SLTM: variants seen among roughly 807,000 people sequenced by gnomAD.
The protein encoded by SLTM is SAFB-like transcription modulator.
SLTM carries 43 observed loss-of-function variants against 134.6 expected under a neutral mutation model. The observed-to-expected ratio is 0.32, with a 90% CI of 0.25 to 0.41. The LOEUF is 0.41. Ranked by LOEUF, SLTM falls within the 10% of genes least tolerant of loss-of-function variation. SLTM has a pLI of 1.00. For synonymous variants in SLTM, 424 were observed against 432.3 expected (o/e 0.98, Z 0.24); for missense variants, 1,055 against 1,288.8 (o/e 0.82, Z 2.78).
chr15:58,889,440 C>A lies in SLTM; in HGVS notation c.2194G>T (p.Val732Leu), dbSNP rs779292319. The A allele has an allele frequency of 5.6e-6, 9 of 1,613,834 alleles. No individual in the cohort carries two copies. The Admixed American group carries it at 1.5e-4, about 27-fold the overall frequency. ...KRNSLKRPRD[V>L]DHRRDDPYWS... ...AAAATGAGTAACTACCTATGATCTA[C>A]ATCACGTGGGCGTTTCAAGGAATTC... is the stretch of plus-strand genomic sequence containing the variant. The change falls in exon 16 of 21, where the codon GTA becomes TTA. Residue 732 changes from valine (V) to leucine (L), a missense_variant. Coordinates refer to ENST00000380516, the MANE Select transcript of SLTM (RefSeq NM_024755.4).
intron 19 of SLTM, among the ~76,000 whole-genome samples, 165 bp from the exon 20 acceptor site, chr15:58,883,951 TAGTC>T (rs1251690275): frequency 1.3e-5 from 2 of 151,486 alleles, no homozygotes; most frequent in African/African-American, 4.9e-5. Flanking sequence ...TACAAAAAAT[TAGTC>T]AGGCATGGTA....
At chr15:58,912,775 CA>C (rs1302410783) in intron 4 of SLTM, 165 bp from the exon 5 acceptor site, 329 of 550,130 alleles carry the variant, frequency 6.0e-4, no homozygotes, top group Middle Eastern at 8.7e-4. Context: ...TTTTTTATGC[CA>C]AAAAAAATTA....
chr15:58,932,610 G>C (rs1567171326), intron 1 of SLTM, among the ~76,000 whole-genome samples, 167 bp from the exon 2 acceptor site: 1 of 152,180 alleles, frequency 6.6e-6, no homozygotes, highest in Non-Finnish European at 1.5e-5. Flanking sequence ...GAAAGAGTGA[G>C]AGAAACTTTC....
rs142696944 is a variant in SLTM, at chr15:58,899,586, C to A, written c.941G>T (p.Gly314Val). ...TCTGGCTTCCTTCTCGACAGGGTCA[C>A]CCTTCACGCAGTCTTCCTTCTTACC... ...KDGKKEDCVK[G>V]DPVEKEARES... is the part of the protein sequence containing the mutation. The change falls in exon 7 of 21, where the codon GGT becomes GTT. Residue 314 changes from glycine (G) to valine (V), a missense_variant. Around this residue, in one of 3 missense-constraint regions of SLTM, gnomAD observed 776 missense variants for 962.2 expected, o/e 0.81. Coordinates refer to ENST00000380516, the MANE Select transcript of SLTM (RefSeq NM_024755.4). This position sits in a 1 kb window ranked among gnomAD's most constrained non-coding sequence, Gnocchi z 5.0. The A allele has an allele frequency of 1.9e-4, 310 of 1,614,204 alleles. No individual in the cohort carries two copies. Among genetic ancestry groups the A allele is most frequent in the Admixed American group, 3.8e-4 (23 of 60,012 alleles).
At chr15:58,918,607 G>A (rs62004802) in intron 2 of SLTM, among the ~76,000 whole-genome samples, 2,897 of 152,268 alleles carry the variant, frequency 0.019, 36 homozygotes, top group Non-Finnish European at 0.027. Context: ...GAAGTGTGGC[G>A]CTTGGTGTTG....
intron 12 of SLTM, 44 bp from the exon 13 acceptor site, chr15:58,893,408 T>C (rs1315915046): frequency 1.3e-5 from 18 of 1,386,164 alleles, no homozygotes; most frequent in Admixed American, 2.1e-5. Flanking sequence ...AAATTTTTCA[T>C]TGAGAAAGAA....
intron 19 of SLTM, among the ~76,000 whole-genome samples, chr15:58,886,214 GAAGAGTGTGTGTGTGTGTGT>G (rs1350050388): frequency 1.9e-4 from 26 of 137,270 alleles, no homozygotes; most frequent in African/African-American, 6.6e-4. Context: ...AGGAGAAAAA[GAAGAGTGTGTGTGTGTGTGT>G]GTGTGTGTGT....
chr15:58,912,147 T>A (rs2036318514), intron 5 of SLTM, among the ~76,000 whole-genome samples: 1 of 151,116 alleles, frequency 6.6e-6, no homozygotes. Context: ...TCGCCCAGGC[T>A]GGAGTGCAGT....
At chr15:58,904,698 T>G (rs1428328343) in intron 5 of SLTM, among the ~76,000 whole-genome samples, 1 of 150,802 alleles carries the variant, frequency 6.6e-6, no homozygotes, top group Non-Finnish European at 1.5e-5. Context: ...ACCCGGCCAA[T>G]TTTTTTTTGT....
intron 5 of SLTM, among the ~76,000 whole-genome samples, chr15:58,903,325 G>A (rs1051714044): frequency 1.3e-5 from 2 of 152,152 alleles, no homozygotes; most frequent in South Asian, 2.1e-4. Context: ...ATGGGCCAGC[G>A]TGCCTGGCCT....
rs764731522 is a variant in SLTM at position 58,890,325 on chromosome 15, TTCTC to T, written c.2031_2034del (p.Arg678TrpfsTer48). The stretch of plus-strand genomic sequence containing the variant: ...TCCCTTTCCAAGCGTTCGCGTTCCA[TTCTC>T]TCTCTCTCTAGTTTTTGCCTTTCAA... On this transcript the variant is annotated frameshift_variant, in exon 15 of 21. Coordinates refer to ENST00000380516, the MANE Select transcript of SLTM (RefSeq NM_024755.4). LOFTEE classifies it high-confidence loss of function. The T allele has an allele frequency of 1.2e-6, 2 of 1,610,990 alleles. No homozygotes were observed. The highest frequency in any genetic ancestry group is 8.5e-7 in the Non-Finnish European group (1 of 1,177,800).
chr15:58,916,693 G>A (rs1436553732), intron 3 of SLTM: 12 of 364,898 alleles, frequency 3.3e-5, no homozygotes, highest in Non-Finnish European at 5.0e-5. Context: ...CTACCTAAAG[G>A]CCTGGAGAGA....
In SLTM at chr15:58,899,643, T is replaced by G. The variant is rs1235045106; in HGVS notation, c.884A>C (p.Lys295Thr). Residue 295 changes from lysine to threonine, a missense_variant, in exon 7 of 21, where the codon AAG becomes ACG. Lys to Thr is a moderately conservative substitution (Grantham distance 78, BLOSUM62 -1). Coordinates refer to ENST00000380516, the MANE Select transcript of SLTM (RefSeq NM_024755.4). The surrounding 1 kb of genome is among the most constrained non-coding windows in gnomAD (Gnocchi z 5.0). The part of the protein sequence containing the change: ...AIAQSPEKES[K>T]DYEMNANHKD... ...ATGGTTCGCATTCATCTCATAATCCTTGCTTTCCTTCTCCGGGCTCTGTGC... is the reference window on the plus strand; with the variant it reads ...ATGGTTCGCATTCATCTCATAATCCGTGCTTTCCTTCTCCGGGCTCTGTGC... 1.2e-6 allele frequency: 2 copies of G among 1,614,224 alleles called. No individual in the cohort carries two copies. Among genetic ancestry groups the G allele is most frequent in the Admixed American group, 3.3e-5 (2 of 60,026 alleles).
intron 20 of SLTM, among the ~76,000 whole-genome samples, chr15:58,880,763 G>A (rs555072033): frequency 5.9e-5 from 9 of 151,882 alleles, no homozygotes; most frequent in South Asian, 2.1e-4. Context: ...ACAGGGTTGC[G>A]CCATGTTGGC....
At chr15:58,885,834 A>C (rs932902818) in intron 19 of SLTM, among the ~76,000 whole-genome samples, 1 of 152,044 alleles carries the variant, frequency 6.6e-6, no homozygotes, top group South Asian at 2.1e-4. Context: ...ACACACACAC[A>C]CACTGTATTA....
At chr15:58,894,721 T>TTC in intron 9 of SLTM, 139 bp from the exon 10 acceptor site, 1 of 822,896 alleles carries the variant, frequency 1.2e-6, no homozygotes, top group Middle Eastern at 3.8e-4. Flanking sequence ...TTTTTTTTTT[T>TTC]TGAGATGGAG....
Position 58,898,818 on chromosome 15 carries a change from A to G in SLTM, c.1093T>C (p.Ser365Pro). ...AATTCTTTACCTTTGTCATCTTTAGATGATGTCTTGCTGTCTTTAGATTCC... is the reference window on the plus strand; with the variant it reads ...AATTCTTTACCTTTGTCATCTTTAGGTGATGTCTTGCTGTCTTTAGATTCC... ...SKESKDSKTS[S>P]KDDKGSTSST... is the part of the protein sequence containing the mutation. The change falls in exon 8 of 21, where the codon TCT becomes CCT. Residue 365 changes from serine (S) to proline (P), a missense_variant. By Grantham distance (74) the Ser-to-Pro change is moderately conservative. Coordinates refer to ENST00000380516, the MANE Select transcript of SLTM (RefSeq NM_024755.4). The G allele has an allele frequency of 1.2e-6, 2 of 1,608,406 alleles. No individual in the cohort carries two copies. Among genetic ancestry groups the G allele is most frequent in the Non-Finnish European group, 1.7e-6 (2 of 1,177,546 alleles).
intron 5 of SLTM, among the ~76,000 whole-genome samples, chr15:58,910,424 T>C (rs758092198): frequency 7.2e-5 from 11 of 152,226 alleles, no homozygotes; most frequent in Non-Finnish European, 1.5e-4. Flanking sequence ...TAAAGAAAAC[T>C]TCTCTAAAAA....
In SLTM at chr15:58,927,798, C is replaced by G. The variant is rs143104740; in HGVS notation, c.250+4558G>C. Among the ~76,000 whole-genome samples, 68 of 152,226 alleles carry G rather than the reference C, an allele frequency of 4.5e-4. No individual in the cohort carries two copies. In the East Asian group the frequency reaches 0.011, roughly 24 times the overall value. On this transcript the variant is annotated intron_variant, in intron 2 of 20. Coordinates refer to ENST00000380516, the MANE Select transcript of SLTM (RefSeq NM_024755.4). The stretch of plus-strand genomic sequence containing the variant: ...CAAAGTCCTCCTCAATGCCACAGTT[C>G]TGATTAAAGTGTTACTTAACATCTG...
Sources: allele counts gnomAD v4.1 joint callset (sites outside exome capture counted in the v4.1 genomes callset), GRCh38; gene constraint gnomAD v4.1.1; regional missense constraint gnomAD v4.1.1; non-coding constraint Gnocchi (gnomAD v3.1); transcripts MANE v1.5; gene names NCBI Gene and HGNC (gene_info 2026-07-23, HGNC 2026-07-21).